LRMDA: variants seen among roughly 807,000 people sequenced by gnomAD.
LRMDA encodes the protein leucine-rich melanocyte differentiation-associated protein.
In LRMDA, 18 loss-of-function variants were observed where a neutral mutation model predicts 29.8. The observed-to-expected ratio is 0.60, with a 90% CI of 0.42 to 0.90. LRMDA has a LOEUF of 0.90. Ranked by LOEUF, LRMDA falls within the 40% of genes least tolerant of loss-of-function variation. LRMDA has a pLI of 0.00. For missense variants in LRMDA, 273 were observed against 273.9 expected (o/e 1.00, Z 0.02); for synonymous variants, 125 against 109.4 (o/e 1.14, Z -0.89).
chr10:75,905,954 A>T (rs9416099), intron 2 of LRMDA, among the ~76,000 whole-genome samples: 6,485 of 151,170 alleles, frequency 0.043, 477 homozygotes, highest in East Asian at 0.35. Context: ...TTTTTTAAAA[A>T]TGATCTCATT....
At chr10:75,666,089 A>C (rs1451693386) in intron 2 of LRMDA, among the ~76,000 whole-genome samples, 3 of 152,176 alleles carry the variant, frequency 2.0e-5, no homozygotes, top group African/African-American at 7.2e-5. Flanking sequence ...GATTTAAAAA[A>C]ATTTGACCCT....
chr10:76,393,876 G>A (rs1048634658), intron 6 of LRMDA, among the ~76,000 whole-genome samples: 5 of 152,082 alleles, frequency 3.3e-5, no homozygotes, highest in African/African-American at 9.7e-5. Context: ...TTCTTCTGTT[G>A]TGGATATTCA....
At chr10:75,489,226 T>TA (rs33952475) in intron 2 of LRMDA, among the ~76,000 whole-genome samples, 18,063 of 132,076 alleles carry the variant, frequency 0.14, 1,583 homozygotes, top group African/African-American at 0.26. Context: ...GGATTTTTAG[T>TA]AAAAAAAAAA....
At chr10:75,549,978 G>A (rs1840122743) in intron 2 of LRMDA, among the ~76,000 whole-genome samples, 1 of 152,060 alleles carries the variant, frequency 6.6e-6, no homozygotes, top group Admixed American at 6.6e-5. Context: ...TCACTAGTTT[G>A]TTTCTTTTTA....
intron 6 of LRMDA, among the ~76,000 whole-genome samples, chr10:76,543,543 T>C (rs1167629900): frequency 6.6e-6 from 1 of 152,106 alleles, no homozygotes; most frequent in Non-Finnish European, 1.5e-5. Context: ...GGTTTACTGA[T>C]TGATTAATAG....
At chr10:76,221,378 G>T (rs895705015) in intron 5 of LRMDA, among the ~76,000 whole-genome samples, 2 of 152,222 alleles carry the variant, frequency 1.3e-5, no homozygotes, top group African/African-American at 4.8e-5. Flanking sequence ...AAACCCCATT[G>T]TCTCAGCCCA....
At chr10:75,464,716 G>A (rs1437722968) in intron 2 of LRMDA, among the ~76,000 whole-genome samples, 1 of 152,162 alleles carries the variant, frequency 6.6e-6, no homozygotes, top group African/African-American at 2.4e-5. Context: ...TTTATTTTCG[G>A]ATGGAATAGA....
At chr10:75,793,628 G>A (rs1843604577) in intron 2 of LRMDA, among the ~76,000 whole-genome samples, 1 of 152,182 alleles carries the variant, frequency 6.6e-6, no homozygotes, top group African/African-American at 2.4e-5. Context: ...TTCAGGTCCA[G>A]GAGTTGTAAG....
chr10:75,915,582 T>A (rs944017149), intron 2 of LRMDA, among the ~76,000 whole-genome samples: 1 of 152,124 alleles, frequency 6.6e-6, no homozygotes, highest in Non-Finnish European at 1.5e-5. Flanking sequence ...AGAACTGAGG[T>A]TCAGAGAGGT....
At chr10:75,918,422 A>T (rs1845970602) in intron 2 of LRMDA, among the ~76,000 whole-genome samples, 1 of 152,270 alleles carries the variant, frequency 6.6e-6, no homozygotes, top group African/African-American at 2.4e-5. Context: ...GAGCGGGCAC[A>T]TCACGTGGGG....
chr10:76,025,428 G>A (rs1031735544), intron 2 of LRMDA, among the ~76,000 whole-genome samples: 2 of 151,504 alleles, frequency 1.3e-5, no homozygotes, highest in Non-Finnish European at 2.9e-5. Flanking sequence ...AACTTCCAGA[G>A]CTCATCTTAT....
intron 6 of LRMDA, among the ~76,000 whole-genome samples, chr10:76,504,007 A>G (rs1233997109): frequency 4.0e-5 from 6 of 151,748 alleles, no homozygotes; most frequent in Admixed American, 1.3e-4. Flanking sequence ...GCTGCATCCC[A>G]AAGATTTTGG....
At chr10:76,137,499 G>A (rs1244969209) in intron 5 of LRMDA, among the ~76,000 whole-genome samples, 2 of 152,132 alleles carry the variant, frequency 1.3e-5, no homozygotes, top group Non-Finnish European at 2.9e-5. Flanking sequence ...GATGGAATTT[G>A]CTGATGGAAA....
intron 5 of LRMDA, among the ~76,000 whole-genome samples, chr10:76,189,220 G>A (rs759348006): frequency 3.9e-5 from 6 of 152,090 alleles, no homozygotes; most frequent in Non-Finnish European, 8.8e-5. Context: ...AGCTGGGCAT[G>A]GTGGTGTGTG....
intron 6 of LRMDA, among the ~76,000 whole-genome samples, chr10:76,456,480 G>A (rs559659026): frequency 1.3e-5 from 2 of 152,284 alleles, no homozygotes; most frequent in Non-Finnish European, 2.9e-5. Flanking sequence ...CCATTGAAAA[G>A]CTGTATTTGC....
chr10:76,388,048 A>G (rs1841681011), intron 6 of LRMDA, among the ~76,000 whole-genome samples: 2 of 152,220 alleles, frequency 1.3e-5, no homozygotes, highest in African/African-American at 2.4e-5. Context: ...CGAAAAATGT[A>G]GTATGTATTA....
chr10:75,560,140 C>T (rs1467576858), intron 2 of LRMDA, among the ~76,000 whole-genome samples: 29 of 151,522 alleles, frequency 1.9e-4, no homozygotes, highest in Non-Finnish European at 2.8e-4. Context: ...GCCATTTTCA[C>T]GATATTGATT....
At chr10:75,860,921 T>G (rs970165995) in intron 2 of LRMDA, among the ~76,000 whole-genome samples, 4 of 152,206 alleles carry the variant, frequency 2.6e-5, no homozygotes, top group African/African-American at 9.6e-5. Context: ...ATTTAATTTC[T>G]CTATCTCATC....
At chr10:76,242,002 A>T (rs1852286059) in intron 5 of LRMDA, 1 of 152,082 alleles carries the variant, frequency 6.6e-6, no homozygotes, top group South Asian at 2.1e-4. Context: ...GATTATTCTT[A>T]TTGTAATAAT....
Sources: allele counts gnomAD v4.1 joint callset (sites outside exome capture counted in the v4.1 genomes callset), GRCh38; gene constraint gnomAD v4.1.1; transcripts MANE v1.5; gene names NCBI Gene and HGNC (gene_info 2026-07-23, HGNC 2026-07-21).